The following ROBO1 variants were observed in gnomAD, a reference collection of about 807,000 sequenced individuals.
ROBO1 encodes the protein roundabout homolog 1.
In ROBO1, 149 loss-of-function variants were observed where a neutral mutation model predicts 195.9. The ratio of observed to expected loss-of-function variants is 0.76; its 90% confidence interval spans 0.67 to 0.87. ROBO1 has a LOEUF of 0.87. Among genes scored for constraint, ROBO1 ranks in the 40% least tolerant of loss-of-function variants. The pLI is 0.00. For synonymous variants in ROBO1, 816 were observed against 733.2 expected (o/e 1.11, Z -1.82); for missense variants, 1,933 against 2,068.3 (o/e 0.93, Z 1.27).
Position 79,139,002 on chromosome 3 carries a change from A to T in ROBO1, c.89-13463T>A, listed in dbSNP as rs114567500. 6.8e-3 allele frequency among the ~76,000 whole-genome samples: 1,030 copies of T among 151,970 alleles called. 15 individuals carry two copies. The highest frequency in any genetic ancestry group is 0.024 in the African/African-American group (982 of 41,540). ...CAAAAGTGTTACAATTCTCAAAAAAAGTAGAATAACTATACAAAAATTGTC... is the reference window on the plus strand; with the variant it reads ...CAAAAGTGTTACAATTCTCAAAAAATGTAGAATAACTATACAAAAATTGTC... On this transcript the variant is annotated intron_variant, in intron 2 of 30. Coordinates refer to ENST00000464233, the MANE Select transcript of ROBO1 (RefSeq NM_002941.4).
At chr3:79,541,225 T>C (rs1942054023) in intron 2 of ROBO1, among the ~76,000 whole-genome samples, 1 of 152,226 alleles carries the variant, frequency 6.6e-6, no homozygotes, top group Non-Finnish European at 1.5e-5. Flanking sequence ...TCCACACTCA[T>C]TCACCCACAC....
intron 19 of ROBO1, among the ~76,000 whole-genome samples, chr3:78,648,578 G>C (rs1356659197): frequency 1.3e-5 from 2 of 151,806 alleles, no homozygotes; most frequent in African/African-American, 4.8e-5. Flanking sequence ...CATTCCTGGG[G>C]GGTTGGATAA....
intron 2 of ROBO1, among the ~76,000 whole-genome samples, chr3:79,389,542 G>T (rs567416468): frequency 1.3e-5 from 2 of 152,112 alleles, no homozygotes; most frequent in Admixed American, 1.3e-4. Context: ...AATCTGATTT[G>T]TAATAATAAG....
intron 2 of ROBO1, among the ~76,000 whole-genome samples, chr3:79,212,838 TAAATA>T (rs371670959): frequency 0.13 from 19,923 of 150,032 alleles, 2,119 homozygotes; most frequent in African/African-American, 0.3. Context: ...TAAAATAAAA[TAAATA>T]AAATAAAATA....
intron 3 of ROBO1, among the ~76,000 whole-genome samples, chr3:78,989,974 G>A (rs550714396): frequency 5.9e-4 from 89 of 152,116 alleles, no homozygotes; most frequent in African/African-American, 1.8e-3. Flanking sequence ...TCCATAATGC[G>A]TATAAAAACA....
chr3:79,181,761 C>T (rs1230403249), intron 2 of ROBO1, among the ~76,000 whole-genome samples: 2 of 151,856 alleles, frequency 1.3e-5, no homozygotes, highest in South Asian at 4.2e-4. Context: ...CCCATCTCTA[C>T]TAAAACATTT....
chr3:78,735,061 T>C (rs150012460), intron 5 of ROBO1, among the ~76,000 whole-genome samples: 3 of 152,342 alleles, frequency 2.0e-5, no homozygotes, highest in Non-Finnish European at 4.4e-5. Flanking sequence ...TGTAAACCTA[T>C]ACATTGATCA....
chr3:79,599,560 T>A (rs1345245406), intron 1 of ROBO1, among the ~76,000 whole-genome samples: 3 of 151,944 alleles, frequency 2.0e-5, no homozygotes, highest in African/African-American at 7.2e-5. Context: ...GTAGCTACTA[T>A]AATCATTAAA....
In ROBO1 at chr3:78,713,551, CAA is replaced by C. The variant is rs530729156; in HGVS notation, c.1045+844_1045+845del. 1.7e-4 allele frequency among the ~76,000 whole-genome samples: 26 copies of C among 151,756 alleles called. No individual in the cohort carries two copies. In the East Asian group the frequency reaches 4.3e-3, roughly 25 times the overall value. On this transcript the variant is annotated intron_variant, in intron 8 of 30. Transcript: ENST00000464233. ...ATTGCCTCTGAAATTCCATAATAGACAACTTGCCACTTAAAAAGAAAAAAAAA... is the reference window on the plus strand; with the variant it reads ...ATTGCCTCTGAAATTCCATAATAGACCTTGCCACTTAAAAAGAAAAAAAAA...
At chr3:78,831,453 T>C (rs777753319) in intron 4 of ROBO1, among the ~76,000 whole-genome samples, 45 of 152,306 alleles carry the variant, frequency 3.0e-4, no homozygotes, top group Non-Finnish European at 6.0e-4. Flanking sequence ...GTCAGAGATA[T>C]TAAATGAATT....
chr3:79,056,089 C>T (rs992795658), intron 3 of ROBO1, among the ~76,000 whole-genome samples: 2 of 152,062 alleles, frequency 1.3e-5, no homozygotes, highest in African/African-American at 2.4e-5. Context: ...GCTTTAATAC[C>T]TAAAAATTGG....
intron 3 of ROBO1, among the ~76,000 whole-genome samples, chr3:79,062,983 A>C (rs1028194216): frequency 6.6e-6 from 1 of 152,054 alleles, no homozygotes; most frequent in African/African-American, 2.4e-5. Flanking sequence ...AAGTATAATT[A>C]AAAAGAAAAG....
At chr3:79,560,565 A>T (rs576806496) in intron 2 of ROBO1, among the ~76,000 whole-genome samples, 160 of 145,606 alleles carry the variant, frequency 1.1e-3, no homozygotes, top group Middle Eastern at 7.4e-3. Flanking sequence ...ATATACACAT[A>T]CACATACATA....
rs530044257 is a variant in ROBO1 at position 79,694,848 on chromosome 3, T to C, written c.-51+72904A>G. Among the ~76,000 whole-genome samples, 5 of 151,796 alleles carry C rather than the reference T, an allele frequency of 3.3e-5. No homozygotes were observed. In the South Asian group the frequency reaches 1.0e-3, roughly 31 times the overall value. On this transcript the variant is annotated intron_variant, in intron 1 of 30. Transcript: ENST00000464233. ...AAAATGCAAAATTCTTTATCAGATG[T>C]ATAACTTAAGCTTTTTTGAAAAGCA...
rs755559040 is a variant in ROBO1 at position 79,587,959 on chromosome 3, T to C, written c.88+1865A>G. Among the ~76,000 whole-genome samples the C allele has an allele frequency of 1.5e-3, 226 of 151,876 alleles. 2 individuals carry two copies. Among genetic ancestry groups the C allele is most frequent in the Non-Finnish European group, 1.4e-3 (93 of 67,794 alleles). The stretch of plus-strand genomic sequence containing the variant: ...CAGGTAAATTACTTTGAAATGTTTC[T>C]TGAACTCTGTAGTCCTGAAAAAAAA... On this transcript the variant is annotated intron_variant, in intron 2 of 30. Transcript: ENST00000464233.
At chr3:78,662,417 C>T (rs1158074258) in intron 14 of ROBO1, among the ~76,000 whole-genome samples, 5 of 152,208 alleles carry the variant, frequency 3.3e-5, no homozygotes, top group Middle Eastern at 3.4e-3. Context: ...TATCATGTAA[C>T]GATCACTTTC....
intron 3 of ROBO1, among the ~76,000 whole-genome samples, chr3:78,997,819 G>A (rs577829290): frequency 6.6e-6 from 1 of 152,186 alleles, no homozygotes; most frequent in Non-Finnish European, 1.5e-5. Flanking sequence ...TAGGGTAAGA[G>A]GAAGAAACAG....
At chr3:78,695,850 C>G (rs1296011171) in intron 8 of ROBO1, among the ~76,000 whole-genome samples, 1 of 151,800 alleles carries the variant, frequency 6.6e-6, no homozygotes, top group African/African-American at 2.4e-5. Flanking sequence ...ATTTCACCCC[C>G]CTTTCATTTG....
At chr3:79,746,752 C>T (rs1346405921) in intron 1 of ROBO1, among the ~76,000 whole-genome samples, 2 of 152,002 alleles carry the variant, frequency 1.3e-5, no homozygotes, top group African/African-American at 4.8e-5. Context: ...ATGACTGAAC[C>T]TGCAATGGAG....
Sources: gnomAD v4.1 joint callset for allele counts (sites outside exome capture counted in the v4.1 genomes callset) on GRCh38, gnomAD v4.1.1 for gene constraint, MANE v1.5 for transcripts, NCBI Gene and HGNC (gene_info 2026-07-23, HGNC 2026-07-21) for gene names.